PDE4C: variants seen among roughly 807,000 people sequenced by gnomAD.
The protein encoded by PDE4C is phosphodiesterase 4C.
In PDE4C, 50 loss-of-function variants were observed where a neutral mutation model predicts 63.9. The ratio of observed to expected loss-of-function variants is 0.78; its 90% CI spans 0.62 to 0.99. The LOEUF (loss-of-function observed/expected upper bound fraction) is 0.99, where lower values mean the gene tolerates loss of function less well. Ranked by LOEUF, PDE4C falls within the 50% of genes least tolerant of loss-of-function variation. The probability of loss-of-function intolerance (pLI) is 0.00; values close to 1 mark genes in which losing one functional copy is unlikely to be tolerated. For missense variants in PDE4C, 777 were observed against 899.1 expected, an observed-to-expected ratio of 0.86 and a Z score of 1.74; for synonymous variants, 377 against 385.1, an observed-to-expected ratio of 0.98 and a Z score of 0.25.
At chr19:18,237,872 CAAAA>C (rs57462449), upstream of PDE4C, among the ~76,000 whole-genome samples, 1 of 94,936 alleles carries the variant, frequency 1.1e-5, no homozygotes, top group Non-Finnish European at 2.1e-5. Context: ...GACTCCATCT[CAAAA>C]AAAAAAAAAA....
chr19:18,222,382 T>C, intron 1 of PDE4C, 59 bp from the exon 2 acceptor site: 2 of 1,511,270 alleles, frequency 1.3e-6, no homozygotes, highest in Non-Finnish European at 9.0e-7. Flanking sequence ...TGCCGGGTCG[T>C]GGCCACCTTG....
At chr19:18,254,753 T>G in the PDE4C span, among the ~76,000 whole-genome samples, 18 of 152,180 alleles carry the variant, frequency 1.2e-4, no homozygotes, top group African/African-American at 3.6e-4. Context: ...GCTCCTCCCC[T>G]CCACCCTAGG....
Position 18,217,164 on chromosome 19 carries a change from T to A in PDE4C, c.1235-269A>T, listed in dbSNP as rs114544599. 3,015 of 308,268 alleles carry A rather than the reference T, an allele frequency of 9.8e-3. 71 individuals are homozygous for A. The highest frequency in any genetic ancestry group is 0.056 in the Admixed American group (1,176 of 20,946). The allele number at this position is 308,268 out of a possible 1,614,324, so 19.1% of individuals were successfully genotyped here. ...ACAGTGAGTACTCAGTAATGTTTTT[T>A]TTTTTTCTTTTTCTTTTTTAGAGAC... is the stretch of plus-strand genomic sequence containing the variant. On this transcript the variant is annotated intron_variant, in intron 11 of 14. Transcript: ENST00000262805.
intron 14 of PDE4C, among the ~76,000 whole-genome samples, chr19:18,211,542 G>A (rs1967940926): frequency 6.6e-6 from 1 of 152,160 alleles, no homozygotes; most frequent in Non-Finnish European, 1.5e-5. Flanking sequence ...GGTCCCGCAT[G>A]TCACCTAGAA....
chr19:18,243,105 G>T (rs1487551905), intron 1 of PDE4C, among the ~76,000 whole-genome samples: 2 of 152,112 alleles, frequency 1.3e-5, no homozygotes, highest in African/African-American at 2.4e-5. Context: ...AAGGGTGACT[G>T]GTGACTTTTT....
At chr19:18,233,282 G>A in exon 1 of PDE4C, 1 of 1,516,636 alleles carries the variant, frequency 6.6e-7, no homozygotes, top group Non-Finnish European at 8.9e-7. Flanking sequence ...TCCGGCCCAG[G>A]GCCGGGAGTG....
upstream of PDE4C, among the ~76,000 whole-genome samples, chr19:18,229,688 G>C (rs138217424): frequency 5.3e-5 from 8 of 152,192 alleles, no homozygotes; most frequent in East Asian, 1.5e-3. Flanking sequence ...AGTAAACTGA[G>C]ACGTGGAGAG....
At chr19:18,226,160 C>T in intron 1 of PDE4C, 110 bp downstream of exon 1, 2 of 847,066 alleles carry the variant, frequency 2.4e-6, no homozygotes, top group East Asian at 6.0e-5. Context: ...CGTCCAAGCC[C>T]GGACTCCGGC....
intron 2 of PDE4C, 51 bp downstream of exon 2, chr19:18,222,081 A>G: frequency 6.7e-7 from 1 of 1,497,934 alleles, no homozygotes; most frequent in Non-Finnish European, 9.1e-7. Flanking sequence ...TAGAGGAACA[A>G]AGGAAGGAGG....
upstream of PDE4C, chr19:18,249,967 C>G: frequency 2.5e-6 from 1 of 396,240 alleles, no homozygotes; most frequent in Non-Finnish European, 4.4e-6. Context: ...GCACAGAGCC[C>G]AGCACATAGT....
chr19:18,233,341 A>G (rs114743190), exon 1 of PDE4C: 1 of 1,086,492 alleles, frequency 9.2e-7, no homozygotes, highest in Admixed American at 2.0e-5. Flanking sequence ...AAGCGGTAGA[A>G]GGTGGAACTG....
upstream of PDE4C, among the ~76,000 whole-genome samples, chr19:18,235,057 T>C (rs1405971868): frequency 6.6e-6 from 1 of 152,204 alleles, no homozygotes; most frequent in Non-Finnish European, 1.5e-5. Context: ...ACTCTTGGCA[T>C]CATTGCAAGG....
At chr19:18,210,653 C>T (rs1967880509) in exon 15 of PDE4C, 2 of 350,880 alleles carry the variant, frequency 5.7e-6, no homozygotes, top group East Asian at 4.8e-5. Context: ...AGCACCTCTC[C>T]TCACAGGGAT....
At position 18,220,954 on chromosome 19, in the gene PDE4C, T is replaced by TCCGC; in HGVS notation, c.450-35_450-32dup. ...GTACAGCAGCCTCAGGCGTGGCTGC[T>TCCGC]CCGCCCATCTCGCCCCGCCCCCAAG... On this transcript the variant is annotated intron_variant, in intron 4 of 14. Coordinates refer to ENST00000262805, the Ensembl canonical transcript of PDE4C. The surrounding 1 kb of genome is among the most constrained non-coding windows in gnomAD (Gnocchi z 5.1). The TCCGC allele has an allele frequency of 6.3e-7, 1 of 1,584,394 alleles. No homozygotes were observed. Among genetic ancestry groups the TCCGC allele is most frequent in the Non-Finnish European group, 8.6e-7 (1 of 1,167,340 alleles).
intron 4 of PDE4C, 58 bp downstream of exon 4, chr19:18,221,047 T>A (rs1968452238): frequency 1.6e-6 from 1 of 640,104 alleles, no homozygotes; most frequent in Non-Finnish European, 2.3e-6. Flanking sequence ...TGCAGCCCGC[T>A]TTCCGCCCAC....
chr19:18,241,923 A>G (rs1267306844), intron 1 of PDE4C, among the ~76,000 whole-genome samples: 1 of 151,826 alleles, frequency 6.6e-6, no homozygotes, highest in Non-Finnish European at 1.5e-5. Flanking sequence ...CTATTTGTTC[A>G]CGTATTCATT....
the PDE4C span, among the ~76,000 whole-genome samples, chr19:18,253,374 C>A: frequency 7.0e-4 from 106 of 152,132 alleles, no homozygotes; most frequent in Non-Finnish European, 1.3e-3. Context: ...CATAATGAGA[C>A]CTTGTCTCTA....
At position 18,220,376 on chromosome 19, in the gene PDE4C, T is replaced by A; in HGVS notation, c.612+27A>T. The stretch of plus-strand genomic sequence containing the variant: ...ATGGGGCACCGTGGGCCGAGGCAGG[T>A]GAGCTCAGCGATCTGCCCCACCTCA... On this transcript the variant is annotated intron_variant, in intron 6 of 14. Coordinates refer to ENST00000262805, the Ensembl canonical transcript of PDE4C. The surrounding 1 kb of genome is among the most constrained non-coding windows in gnomAD (Gnocchi z 5.1). The A allele has an allele frequency of 1.2e-6, 2 of 1,612,348 alleles. No individual in the cohort carries two copies. The highest frequency in any genetic ancestry group is 1.7e-6 in the Non-Finnish European group (2 of 1,178,438).
At chr19:18,214,306 C>T (rs1489426327) in intron 12 of PDE4C, among the ~76,000 whole-genome samples, 4 of 151,908 alleles carry the variant, frequency 2.6e-5, no homozygotes, top group Admixed American at 2.6e-4. Flanking sequence ...CCCTTCTGGC[C>T]TCCTCCAACC....
Sources: allele counts gnomAD v4.1 joint callset (sites outside exome capture counted in the v4.1 genomes callset), GRCh38; gene constraint gnomAD v4.1.1; non-coding constraint Gnocchi (gnomAD v3.1); transcripts MANE v1.5; gene names NCBI Gene and HGNC (gene_info 2026-07-23, HGNC 2026-07-21).